The following ASIC2 variants were observed in gnomAD, a reference collection of about 807,000 sequenced individuals.
ASIC2 encodes acid sensing ion channel subunit 2, also known as acid-sensing ion channel 2.
In ASIC2, 25 loss-of-function variants were observed where a neutral mutation model predicts 57.3. That is an observed-to-expected ratio of 0.44 (90% CI 0.32 to 0.61). The LOEUF is 0.61. Among genes scored for constraint, ASIC2 ranks in the 20% least tolerant of loss-of-function variants. The probability of loss-of-function intolerance (pLI) is 0.06; values close to 1 mark genes in which losing one functional copy is unlikely to be tolerated. For synonymous variants in ASIC2, 319 were observed against 307.5 expected (o/e 1.04, Z -0.39); for missense variants, 641 against 738.1 (o/e 0.87, Z 1.52).
At chr17:33,417,674 C>T (rs1315259155) in intron 1 of ASIC2, among the ~76,000 whole-genome samples, 1 of 152,178 alleles carries the variant, frequency 6.6e-6, no homozygotes, top group Non-Finnish European at 1.5e-5. Context: ...TTGAGGAGGA[C>T]ATCTGCCCAT....
At chr17:33,111,881 C>T (rs1236130258) in intron 2 of ASIC2, 36 bp downstream of exon 2, 2 of 1,583,234 alleles carry the variant, frequency 1.3e-6, no homozygotes, top group South Asian at 2.4e-5. Flanking sequence ...CAACCCTCCA[C>T]CATCACCCAA....
At chr17:33,964,885 T>C (rs1905032073) in intron 1 of ASIC2, among the ~76,000 whole-genome samples, 1 of 152,210 alleles carries the variant, frequency 6.6e-6, no homozygotes, top group Admixed American at 6.5e-5. Context: ...GCTGTTCTTC[T>C]CTTGACCTCA....
intron 1 of ASIC2, among the ~76,000 whole-genome samples, chr17:33,809,528 G>A (rs1912360452): frequency 6.6e-6 from 1 of 152,182 alleles, no homozygotes; most frequent in Non-Finnish European, 1.5e-5. Flanking sequence ...ATATGAAAAT[G>A]GAATGAGCAC....
chr17:33,564,473 A>G (rs1916170359), intron 1 of ASIC2, among the ~76,000 whole-genome samples: 2 of 152,346 alleles, frequency 1.3e-5, no homozygotes, highest in Admixed American at 1.3e-4. Flanking sequence ...GGTCAGTGGA[A>G]AGTCACATAA....
intron 1 of ASIC2, among the ~76,000 whole-genome samples, chr17:33,122,693 C>G (rs2092307591): frequency 6.6e-6 from 1 of 152,142 alleles, no homozygotes. Flanking sequence ...GAAATCCCCT[C>G]TTTTAGCAAG....
At chr17:33,792,850 T>C (rs937024481) in intron 1 of ASIC2, 2 of 152,162 alleles carry the variant, frequency 1.3e-5, no homozygotes, top group Non-Finnish European at 2.9e-5. Flanking sequence ...CTTGAGGTCC[T>C]CTCCTTTCCA....
chr17:34,078,256 GCT>G (rs1436627931), intron 1 of ASIC2, among the ~76,000 whole-genome samples: 2 of 152,102 alleles, frequency 1.3e-5, no homozygotes, highest in Non-Finnish European at 2.9e-5. Flanking sequence ...GCAGAGGTAG[GCT>G]CTGATTCATC....
intron 1 of ASIC2, among the ~76,000 whole-genome samples, chr17:33,264,478 C>G (rs4794943): frequency 2.6e-5 from 4 of 152,142 alleles, no homozygotes; most frequent in African/African-American, 4.8e-5. Flanking sequence ...AGCTAGTAAA[C>G]AGTGGCACAG....
At position 33,776,132 on chromosome 17, in the gene ASIC2, CA is replaced by C. The variant is rs35541526; in HGVS notation, c.555+379845del. On this transcript the variant is annotated intron_variant, in intron 1 of 9. Coordinates refer to the ASIC2 transcript ENST00000359872. ...TATGTGACACAGCAAGACTCTGTCTCAAAAAAAAAAAAAAAAAAAAATAGAC... is the reference window on the plus strand; with the variant it reads ...TATGTGACACAGCAAGACTCTGTCTCAAAAAAAAAAAAAAAAAAAATAGAC... Among the ~76,000 whole-genome samples the C allele has an allele frequency of 7.2e-3, 913 of 127,456 alleles. 5 individuals carry two copies. The highest frequency in any genetic ancestry group is 0.02 in the African/African-American group (698 of 34,206). 83.6% of individuals were successfully genotyped at this position (127,456 alleles called of 152,430 possible).
intron 3 of ASIC2, among the ~76,000 whole-genome samples, chr17:33,035,613 T>C (rs1053871855): frequency 2.0e-5 from 3 of 152,222 alleles, no homozygotes; most frequent in African/African-American, 7.2e-5. Context: ...CGATCTTAAC[T>C]CCTAAGGAAC....
chr17:33,173,845 A>T (rs1041137857), intron 1 of ASIC2, among the ~76,000 whole-genome samples: 1 of 152,218 alleles, frequency 6.6e-6, no homozygotes, highest in Non-Finnish European at 1.5e-5. Context: ...AACACAAAGT[A>T]AGGACACAAT....
chr17:33,341,561 C>G (rs1907723258), intron 1 of ASIC2, among the ~76,000 whole-genome samples: 1 of 152,180 alleles, frequency 6.6e-6, no homozygotes, highest in Non-Finnish European at 1.5e-5. Context: ...CAAAGCATAA[C>G]ATATTTATTA....
At chr17:33,765,153 T>G (rs1910897282) in intron 1 of ASIC2, among the ~76,000 whole-genome samples, 2 of 152,062 alleles carry the variant, frequency 1.3e-5, no homozygotes, top group African/African-American at 4.8e-5. Context: ...TCGCCCAGGC[T>G]AGAGTGCAGT....
At chr17:33,215,834 G>C (rs979088390) in intron 1 of ASIC2, among the ~76,000 whole-genome samples, 1 of 152,052 alleles carries the variant, frequency 6.6e-6, no homozygotes, top group African/African-American at 2.4e-5. Flanking sequence ...CGAGTAGCTG[G>C]GACTACAGGC....
chr17:33,206,201 CTTGCTTGGTATCATA>C (rs915907975), intron 1 of ASIC2, among the ~76,000 whole-genome samples: 4 of 152,106 alleles, frequency 2.6e-5, no homozygotes, highest in African/African-American at 9.7e-5. Flanking sequence ...AACAGAAATG[CTTGCTTGGTATCATA>C]TTGCCTCATA....
chr17:33,864,333 G>A lies in ASIC2; in HGVS notation c.555+291645C>T, dbSNP rs371588214. ...AGAAAAATGTCGTATAAATAATAGC[G>A]TAGGAAGCATGCAGATATAGAACAA... On this transcript the variant is annotated intron_variant, in intron 1 of 9. Coordinates refer to the ASIC2 transcript ENST00000359872. Among the ~76,000 whole-genome samples the A allele has an allele frequency of 1.0e-3, 157 of 152,246 alleles. 2 individuals carry two copies. The South Asian group carries it at 0.031, about 30-fold the overall frequency.
chr17:33,498,086 A>G (rs564999730), intron 1 of ASIC2, among the ~76,000 whole-genome samples: 25 of 152,336 alleles, frequency 1.6e-4, no homozygotes, highest in African/African-American at 5.8e-4. Context: ...TTGTCCACAA[A>G]GCACTTCTGG....
intron 1 of ASIC2, among the ~76,000 whole-genome samples, chr17:34,109,205 T>C (rs1026218674): frequency 6.6e-6 from 1 of 152,174 alleles, no homozygotes; most frequent in Non-Finnish European, 1.5e-5. Flanking sequence ...TAACTTATTA[T>C]TTTGTTTTCT....
At chr17:33,632,927 T>A (rs1021324401) in intron 1 of ASIC2, among the ~76,000 whole-genome samples, 2 of 152,180 alleles carry the variant, frequency 1.3e-5, no homozygotes, top group African/African-American at 4.8e-5. Flanking sequence ...ATAGTTGGGG[T>A]TCCAGGAGGT....
Sources: gnomAD v4.1 joint callset for allele counts (sites outside exome capture counted in the v4.1 genomes callset) on GRCh38, gnomAD v4.1.1 for gene constraint, MANE v1.5 for transcripts, NCBI Gene and HGNC (gene_info 2026-07-23, HGNC 2026-07-21) for gene names.